MBD5: variants seen among roughly 807,000 people sequenced by gnomAD.
MBD5 encodes methyl-CpG-binding domain protein 5.
A neutral mutation model predicts 117.3 loss-of-function variants in MBD5; 13 were observed. That is an observed-to-expected ratio of 0.11 (90% CI 0.07 to 0.18). MBD5 has a LOEUF of 0.18. Among genes scored for constraint, MBD5 ranks in the 10% least tolerant of loss-of-function variants. MBD5 has a pLI of 1.00. For synonymous variants in MBD5, 727 were observed against 766.4 expected, an observed-to-expected ratio of 0.95 and a Z score of 0.85; for missense variants, 1,879 against 2,093.8, an observed-to-expected ratio of 0.90 and a Z score of 2.00.
At chr2:148,432,017 A>G (rs1184440190) in intron 4 of MBD5, among the ~76,000 whole-genome samples, 1 of 151,964 alleles carries the variant, frequency 6.6e-6, no homozygotes, top group Non-Finnish European at 1.5e-5. Flanking sequence ...ACTTTTCTCC[A>G]GAACCTCACC....
intron 1 of MBD5, among the ~76,000 whole-genome samples, chr2:148,127,445 C>T (rs1558937144): frequency 6.6e-6 from 1 of 152,124 alleles, no homozygotes; most frequent in African/African-American, 2.4e-5. Context: ...TCCACGTGTT[C>T]TCATCATTCA....
chr2:148,228,950 G>A (rs1318625131), intron 2 of MBD5, among the ~76,000 whole-genome samples: 7 of 152,096 alleles, frequency 4.6e-5, no homozygotes, highest in Non-Finnish European at 8.8e-5. Flanking sequence ...GGGATCGCTG[G>A]TGATATCCCC....
intron 1 of MBD5, among the ~76,000 whole-genome samples, chr2:148,128,214 G>A (rs556910497): frequency 4.8e-4 from 73 of 152,204 alleles, no homozygotes; most frequent in Non-Finnish European, 7.2e-4. Context: ...CTTTTGCTGT[G>A]CAGAAGCTCT....
chr2:148,213,575 A>G (rs1051432486), intron 2 of MBD5, among the ~76,000 whole-genome samples: 5 of 152,212 alleles, frequency 3.3e-5, no homozygotes, highest in African/African-American at 1.2e-4. Flanking sequence ...TCAAAAGTAC[A>G]TGCAAAACTG....
At chr2:148,426,085 A>T (rs1328682151) in intron 4 of MBD5, among the ~76,000 whole-genome samples, 17 of 152,150 alleles carry the variant, frequency 1.1e-4, no homozygotes, top group Non-Finnish European at 1.8e-4. Flanking sequence ...CTAGGAATCC[A>T]ACTTACAAGG....
At chr2:148,407,500 C>T (rs959696032) in intron 4 of MBD5, among the ~76,000 whole-genome samples, 4 of 151,856 alleles carry the variant, frequency 2.6e-5, no homozygotes, top group East Asian at 1.9e-4. Context: ...GATGTAAAAC[C>T]GTGATTGAAA....
At chr2:148,093,008 T>G (rs972593715) in intron 1 of MBD5, among the ~76,000 whole-genome samples, 1 of 151,918 alleles carries the variant, frequency 6.6e-6, no homozygotes, top group Non-Finnish European at 1.5e-5. Context: ...ACTTCTGCCT[T>G]GAGGGTTCAA....
chr2:148,472,350 A>T (rs948131780), intron 8 of MBD5: 1 of 152,156 alleles, frequency 6.6e-6, no homozygotes, highest in African/African-American at 2.4e-5. Context: ...AATGATATGA[A>T]TATGACCAAC....
Position 148,483,362 on chromosome 2 carries a change from T to G in MBD5, c.2771T>G (p.Ile924Ser). ...LNPSLLSSLPISLPVNQQHLL... is the reference protein window; with the variant it reads ...LNPSLLSSLPSSLPVNQQHLL... Reference sequence around the variant, plus strand: ...CCCAGCCTCCTCAGTTCTCTACCTATCTCTTTGCCAGTGAATCAACAGCAT... The same window carrying G: ...CCCAGCCTCCTCAGTTCTCTACCTAGCTCTTTGCCAGTGAATCAACAGCAT... The change falls in exon 9 of 14, where the codon ATC (isoleucine) becomes AGC (serine). Residue 924 changes from isoleucine (I) to serine (S), a missense_variant. Transcript: ENST00000642680. The G allele has an allele frequency of 1.2e-6, 2 of 1,614,062 alleles. No individual in the cohort carries two copies.
At chr2:148,313,133 G>C (rs1370807716) in intron 3 of MBD5, among the ~76,000 whole-genome samples, 1 of 152,154 alleles carries the variant, frequency 6.6e-6, no homozygotes, top group Non-Finnish European at 1.5e-5. Flanking sequence ...CGGGGATCAG[G>C]GACCCATTTG....
intron 1 of MBD5, among the ~76,000 whole-genome samples, chr2:148,081,297 A>G (rs1470201449): frequency 1.3e-5 from 2 of 152,160 alleles, no homozygotes; most frequent in East Asian, 3.8e-4. Flanking sequence ...TATCTTTAGC[A>G]TTTAGAACAG....
chr2:148,361,551 T>C (rs896510650), intron 4 of MBD5, among the ~76,000 whole-genome samples: 11 of 152,220 alleles, frequency 7.2e-5, no homozygotes, highest in Non-Finnish European at 1.6e-4. Flanking sequence ...TTAACTAATG[T>C]AGCCTTTTGC....
At chr2:148,502,336 C>A in intron 11 of MBD5, 100 bp from the exon 12 acceptor site, 1 of 1,039,498 alleles carries the variant, frequency 9.6e-7, no homozygotes, top group Non-Finnish European at 1.5e-6. Flanking sequence ...GGCTCCCCTC[C>A]CCGCCAGTGC....
chr2:148,066,057 G>A (rs1203078578), intron 1 of MBD5, among the ~76,000 whole-genome samples: 1 of 152,152 alleles, frequency 6.6e-6, no homozygotes, highest in African/African-American at 2.4e-5. Context: ...GTTTCCACCT[G>A]TAATCCCAGC....
At chr2:148,250,214 G>A (rs1700434580) in intron 3 of MBD5, among the ~76,000 whole-genome samples, 1 of 152,150 alleles carries the variant, frequency 6.6e-6, no homozygotes, top group African/African-American at 2.4e-5. Context: ...TGCAGGAACA[G>A]AAAACCAAAT....
intron 11 of MBD5, among the ~76,000 whole-genome samples, chr2:148,498,889 T>C (rs1410557864): frequency 1.3e-5 from 2 of 152,242 alleles, no homozygotes; most frequent in East Asian, 1.9e-4. Context: ...CACATAGTAA[T>C]GTCTGGCTTT....
intron 1 of MBD5, among the ~76,000 whole-genome samples, chr2:148,058,139 G>A (rs904835908): frequency 6.6e-6 from 1 of 151,922 alleles, no homozygotes; most frequent in Admixed American, 6.5e-5. Flanking sequence ...TTTGGGGTCT[G>A]CATTTTCTTT....
At chr2:148,122,464 T>A (rs567118744) in intron 1 of MBD5, among the ~76,000 whole-genome samples, 1 of 152,290 alleles carries the variant, frequency 6.6e-6, no homozygotes, top group South Asian at 2.1e-4. Context: ...TTAAAATTAT[T>A]CTTTGCCTCT....
At chr2:148,168,849 A>G (rs1698190324) in intron 1 of MBD5, among the ~76,000 whole-genome samples, 2 of 152,172 alleles carry the variant, frequency 1.3e-5, no homozygotes, top group Admixed American at 6.5e-5. Flanking sequence ...TAGCATAAAC[A>G]TACTAGTCAT....
Sources: gnomAD v4.1 joint callset for allele counts (sites outside exome capture counted in the v4.1 genomes callset) on GRCh38, gnomAD v4.1.1 for gene constraint, MANE v1.5 for transcripts, NCBI Gene and HGNC (gene_info 2026-07-23, HGNC 2026-07-21) for gene names.